Variants in AGBL1 observed in about 807,000 individuals in gnomAD.
The protein encoded by AGBL1 is cytosolic carboxypeptidase 4.
AGBL1 carries 130 observed loss-of-function variants against 118.9 expected under a neutral mutation model. That is an observed-to-expected ratio of 1.09 (90% CI 0.95 to 1.26). The LOEUF (loss-of-function observed/expected upper bound fraction) is 1.26. Among genes scored for constraint, AGBL1 ranks in the 50% most tolerant of loss-of-function variants. AGBL1 has a pLI of 0.00. For missense variants in AGBL1, 1,584 were observed against 1,298.1 expected (o/e 1.22, Z -3.38); for synonymous variants, 555 against 478.9 (o/e 1.16, Z -2.08).
chr15:86,876,570 G>T (rs1023245504), intron 22 of AGBL1, among the ~76,000 whole-genome samples: 2 of 152,220 alleles, frequency 1.3e-5, no homozygotes, highest in African/African-American at 4.8e-5. Context: ...TGACCAGCCT[G>T]ATTATGGTTT....
At chr15:86,423,645 G>A (rs1013722188) in intron 18 of AGBL1, among the ~76,000 whole-genome samples, 4 of 151,992 alleles carry the variant, frequency 2.6e-5, no homozygotes, top group African/African-American at 2.4e-5. Context: ...ACCCATTGTC[G>A]CAACCCCAAA....
At chr15:86,598,347 G>T (rs2084441016) in intron 21 of AGBL1, among the ~76,000 whole-genome samples, 1 of 152,108 alleles carries the variant, frequency 6.6e-6, no homozygotes, top group East Asian at 1.9e-4. Context: ...TTGGACCCAA[G>T]AACGCCAATT....
chr15:86,436,378 A>C (rs1730674216), intron 18 of AGBL1, among the ~76,000 whole-genome samples: 1 of 151,542 alleles, frequency 6.6e-6, no homozygotes, highest in Non-Finnish European at 1.5e-5. Flanking sequence ...GAGAATGATA[A>C]AATTAAGCTA....
intron 19 of AGBL1, among the ~76,000 whole-genome samples, chr15:86,524,305 A>T (rs1419818258): frequency 6.6e-6 from 1 of 152,186 alleles, no homozygotes; most frequent in Non-Finnish European, 1.5e-5. Context: ...GATTCCTTAG[A>T]AGGACTCACA....
At chr15:86,858,356 C>G (rs576050475) in intron 22 of AGBL1, among the ~76,000 whole-genome samples, 1 of 152,074 alleles carries the variant, frequency 6.6e-6, no homozygotes. Flanking sequence ...CAGCCCAAAG[C>G]GTTATTCCTT....
intron 22 of AGBL1, among the ~76,000 whole-genome samples, chr15:86,831,955 ATGT>A (rs1204237153): frequency 1.3e-5 from 2 of 152,090 alleles, no homozygotes; most frequent in East Asian, 1.9e-4. Context: ...ATCTAGGCAA[ATGT>A]TGTCAAACCT....
intron 18 of AGBL1, among the ~76,000 whole-genome samples, chr15:86,443,044 C>A (rs2082082894): frequency 6.6e-6 from 1 of 152,150 alleles, no homozygotes; most frequent in Non-Finnish European, 1.5e-5. Context: ...TGCATCTCTC[C>A]CCGGATACTG....
intron 21 of AGBL1, among the ~76,000 whole-genome samples, chr15:86,607,520 G>A (rs560662931): frequency 6.6e-6 from 1 of 152,262 alleles, no homozygotes; most frequent in East Asian, 1.9e-4. Flanking sequence ...AGTGGCTGTG[G>A]CATTTTGCAT....
intron 22 of AGBL1, among the ~76,000 whole-genome samples, chr15:86,723,919 G>A (rs984904988): frequency 2.6e-5 from 4 of 152,138 alleles, no homozygotes; most frequent in Admixed American, 1.3e-4. Flanking sequence ...GAGATTATGA[G>A]GGAGTAAGAT....
chr15:86,736,327 C>T (rs561809669), intron 22 of AGBL1, among the ~76,000 whole-genome samples: 10 of 151,844 alleles, frequency 6.6e-5, no homozygotes, highest in African/African-American at 2.4e-4. Context: ...TTGCAGTGAG[C>T]TGAGATCGTG....
At chr15:86,718,228 G>T (rs1016878730) in intron 22 of AGBL1, among the ~76,000 whole-genome samples, 1 of 152,040 alleles carries the variant, frequency 6.6e-6, no homozygotes, top group African/African-American at 2.4e-5. Context: ...TTGAGTTCAT[G>T]TCTTTTGTAC....
intron 21 of AGBL1, among the ~76,000 whole-genome samples, chr15:86,656,775 A>T (rs2142507123): frequency 6.6e-6 from 1 of 152,094 alleles, no homozygotes; most frequent in Admixed American, 6.5e-5. Flanking sequence ...TCCATGGAAG[A>T]GGGTTAAATG....
At chr15:86,934,935 C>G (rs572956898) in intron 23 of AGBL1, 3 of 152,302 alleles carry the variant, frequency 2.0e-5, no homozygotes, top group African/African-American at 7.2e-5. Context: ...TGGATCCATT[C>G]TCCTCCTGAT....
intron 17 of AGBL1, among the ~76,000 whole-genome samples, chr15:86,320,427 G>C (rs145966531): frequency 2.3e-3 from 348 of 151,712 alleles, no homozygotes; most frequent in Middle Eastern, 3.4e-3. Context: ...TACTGGTATA[G>C]AAAAATGTGA....
chr15:86,236,948 G>GGGC lies in AGBL1; in HGVS notation c.527-10721_527-10720insCGG, dbSNP rs2078558608. On this transcript the variant is annotated intron_variant, in intron 6 of 22. Transcript: ENST00000614907. ...ATATGTGGGCGGGGGGGGGCGGGGGGGGGCGGGGGGGCGCCAAGTTGCCAG... is the reference window on the plus strand; with the variant it reads ...ATATGTGGGCGGGGGGGGGCGGGGGGGGCGGGCGGGGGGGCGCCAAGTTGCCAG... Among the ~76,000 whole-genome samples the GGGC allele has an allele frequency of 4.5e-3, 79 of 17,398 alleles. 1 individual carries two copies. Among genetic ancestry groups the GGGC allele is most frequent in the Non-Finnish European group, 7.6e-3 (64 of 8,406 alleles). 11.4% of individuals were successfully genotyped at this position (17,398 alleles called of 152,430 possible).
chr15:86,959,248 ATTC>A (rs1352782430), intron 23 of AGBL1, among the ~76,000 whole-genome samples: 1 of 152,150 alleles, frequency 6.6e-6, no homozygotes, highest in Non-Finnish European at 1.5e-5. Context: ...TAAAAAAGGT[ATTC>A]TTGTCCAATT....
At chr15:86,242,173 C>A (rs1307558836) in intron 6 of AGBL1, among the ~76,000 whole-genome samples, 1 of 152,136 alleles carries the variant, frequency 6.6e-6, no homozygotes, top group Non-Finnish European at 1.5e-5. Flanking sequence ...ATCAATTAAA[C>A]CTCTTTCCTT....
intron 17 of AGBL1, among the ~76,000 whole-genome samples, chr15:86,327,719 G>A (rs2080205064): frequency 1.3e-5 from 2 of 152,184 alleles, no homozygotes; most frequent in South Asian, 2.1e-4. Flanking sequence ...TGCCCAAAGA[G>A]ACAGGTATAA....
rs1473784883 is a variant in AGBL1, at chr15:86,522,934, C to T, written c.2680C>T (p.Pro894Ser). Residue 894 changes from proline to serine, a missense_variant, in exon 19 of 23, where the codon CCC becomes TCC. Coordinates refer to ENST00000614907, the MANE Select transcript of AGBL1 (RefSeq NM_001386094.1). ...CCACCTGAGCAGCATTGGCCGAAGT[C>T]CCGTGGTGAGTCACTTCCTTCTGCC... ...LYHLSSIGRS[P>S]VVFCDFHGHS... 6.2e-7 allele frequency: 1 copy of T among 1,613,768 alleles called. No individual in the cohort carries two copies. The highest frequency in any genetic ancestry group is 8.5e-7 in the Non-Finnish European group (1 of 1,179,784).
Sources: allele counts gnomAD v4.1 joint callset (sites outside exome capture counted in the v4.1 genomes callset), GRCh38; gene constraint gnomAD v4.1.1; transcripts MANE v1.5; gene names NCBI Gene and HGNC (gene_info 2026-07-23, HGNC 2026-07-21).